Variants in AOPEP observed in about 807,000 individuals in gnomAD.
AOPEP encodes aminopeptidase O.
AOPEP carries 77 observed loss-of-function variants against 98.1 expected under a neutral mutation model. The ratio of observed to expected loss-of-function variants is 0.78; its 90% CI spans 0.65 to 0.95. The LOEUF is 0.95. AOPEP is among the 40% of genes least tolerant of loss of function. The pLI, the probability that AOPEP is intolerant of heterozygous loss-of-function variation, is 0.00. For synonymous variants in AOPEP, 346 were observed against 365.3 expected (o/e 0.95, Z 0.60); for missense variants, 1,024 against 1,024.7 (o/e 1.00, Z 0.01).
chr9:94,873,164 G>A (rs2046543106), intron 5 of AOPEP, among the ~76,000 whole-genome samples: 1 of 152,184 alleles, frequency 6.6e-6, no homozygotes, highest in South Asian at 2.1e-4. Context: ...CCTAATTAAT[G>A]GGTGGGAATA....
intron 13 of AOPEP, among the ~76,000 whole-genome samples, chr9:95,043,404 AAAGAG>A (rs1480978535): frequency 1.3e-5 from 2 of 152,114 alleles, no homozygotes; most frequent in African/African-American, 4.8e-5. Context: ...CTGCTGACAT[AAAGAG>A]AAATTTTCAG....
chr9:94,808,625 C>T (rs1027585373), intron 5 of AOPEP, among the ~76,000 whole-genome samples: 1 of 152,234 alleles, frequency 6.6e-6, no homozygotes, highest in African/African-American at 2.4e-5. Context: ...AGTCATTGAA[C>T]AAACCAAATC....
chr9:95,100,841 G>T, the AOPEP span: 4 of 229,662 alleles, frequency 1.7e-5, no homozygotes, highest in Non-Finnish European at 3.5e-5. Context: ...ATGTTAGCCA[G>T]GCAGTCTGGA....
chr9:94,782,544 C>G (rs1279077484), intron 3 of AOPEP, among the ~76,000 whole-genome samples: 3 of 152,150 alleles, frequency 2.0e-5, no homozygotes, highest in Non-Finnish European at 4.4e-5. Flanking sequence ...AACTGAAAGC[C>G]AACTTTTCAA....
chr9:94,896,794 G>T (rs1187984524), intron 5 of AOPEP, among the ~76,000 whole-genome samples: 3 of 152,050 alleles, frequency 2.0e-5, no homozygotes, highest in Non-Finnish European at 4.4e-5. Context: ...ATGTTATGTG[G>T]TATTCTGGTA....
intron 6 of AOPEP, among the ~76,000 whole-genome samples, chr9:94,927,519 C>T (rs534045724): frequency 5.9e-5 from 9 of 152,256 alleles, no homozygotes; most frequent in African/African-American, 1.9e-4. Context: ...GTGCTCTTCC[C>T]GAAATCCCTC....
intron 4 of AOPEP, among the ~76,000 whole-genome samples, chr9:94,795,555 A>G (rs1047983937): frequency 5.3e-5 from 8 of 152,220 alleles, no homozygotes; most frequent in Non-Finnish European, 1.0e-4. Flanking sequence ...GGAGCTGTGC[A>G]GTTGGAAAAT....
the AOPEP span, among the ~76,000 whole-genome samples, chr9:95,106,026 G>A: frequency 1.3e-5 from 2 of 152,192 alleles, no homozygotes; most frequent in Non-Finnish European, 2.9e-5. Context: ...AAGTTTGGCT[G>A]TTTGAGGAAC....
rs1167342209 is a variant in AOPEP, at chr9:94,928,478, G to T, written c.1608G>T (p.Trp536Cys). ...AGGAGCTGAGGGCTTGTCTGCGCTG[G>T]CGTCGCCTCCAGGACGAGATGCAAT... ...EQQELRACLR[W>C]RRLQDEMQCS... Residue 536 changes from tryptophan to cysteine, a missense_variant, in exon 7 of 17, where the codon TGG becomes TGT. Transcript: ENST00000375315. 6.4e-7 allele frequency: 1 copy of T among 1,550,470 alleles called. No homozygotes were observed. Among genetic ancestry groups the T allele is most frequent in the East Asian group, 2.4e-5 (1 of 40,910 alleles).
the AOPEP span, among the ~76,000 whole-genome samples, chr9:95,103,409 G>A: frequency 1.3e-5 from 2 of 152,230 alleles, no homozygotes; most frequent in Admixed American, 6.5e-5. Flanking sequence ...ATTGAACTCT[G>A]CATCTCGGAA....
the AOPEP span, among the ~76,000 whole-genome samples, chr9:95,112,774 A>G: frequency 1.3e-5 from 2 of 152,216 alleles, no homozygotes; most frequent in Non-Finnish European, 2.9e-5. Flanking sequence ...TGAATGCACA[A>G]GCAGTCCCAT....
At chr9:95,093,051 TGGAAC>T in the AOPEP span, among the ~76,000 whole-genome samples, 2 of 152,354 alleles carry the variant, frequency 1.3e-5, no homozygotes, top group South Asian at 4.1e-4. Flanking sequence ...GCTGATGGAA[TGGAAC>T]AAGTGTGCAT....
chr9:95,021,827 T>C (rs567708806), intron 13 of AOPEP: 2 of 152,322 alleles, frequency 1.3e-5, no homozygotes, highest in African/African-American at 4.8e-5. Flanking sequence ...AGAGTCACTG[T>C]CATCAGGAGC....
In AOPEP at chr9:94,960,039, A is replaced by G. The variant is rs148887658; in HGVS notation, c.1872+4024A>G. On this transcript the variant is annotated intron_variant, in intron 9 of 16. Coordinates refer to ENST00000375315, the MANE Select transcript of AOPEP (RefSeq NM_001193329.3). ...GGTTAAGAAACATTATTATAAAAGAATTAAGAGGTTGAAATTATTTTTTCC... is the reference window on the plus strand; with the variant it reads ...GGTTAAGAAACATTATTATAAAAGAGTTAAGAGGTTGAAATTATTTTTTCC... Among the ~76,000 whole-genome samples, 6 of 152,354 alleles carry G rather than the reference A, an allele frequency of 3.9e-5. No homozygotes were observed. In the East Asian group the frequency reaches 1.2e-3, roughly 29 times the overall value.
At chr9:94,956,169 G>C (rs2058440209) in intron 9 of AOPEP, among the ~76,000 whole-genome samples, 154 bp downstream of exon 9, 1 of 152,162 alleles carries the variant, frequency 6.6e-6, no homozygotes, top group Non-Finnish European at 1.5e-5. Flanking sequence ...ACAAAGAAAG[G>C]GTTGCTTCAG....
intron 10 of AOPEP, among the ~76,000 whole-genome samples, chr9:94,976,465 G>A (rs2059846390): frequency 6.6e-6 from 1 of 152,082 alleles, no homozygotes; most frequent in Non-Finnish European, 1.5e-5. Flanking sequence ...CTCAAAAATA[G>A]CAATTAAGTC....
chr9:95,053,930 G>A (rs2066606962), intron 13 of AOPEP, among the ~76,000 whole-genome samples: 1 of 152,094 alleles, frequency 6.6e-6, no homozygotes, highest in Non-Finnish European at 1.5e-5. Context: ...GCTCAGGCTG[G>A]TCTGAAACTC....
the AOPEP span, among the ~76,000 whole-genome samples, chr9:95,118,798 T>A: frequency 6.6e-6 from 1 of 152,218 alleles, no homozygotes; most frequent in Non-Finnish European, 1.5e-5. Flanking sequence ...TATGCCATAG[T>A]CTGTTTAGCC....
chr9:94,800,077 T>C (rs1588277908), intron 4 of AOPEP, among the ~76,000 whole-genome samples: 1 of 152,138 alleles, frequency 6.6e-6, no homozygotes, highest in African/African-American at 2.4e-5. Flanking sequence ...CAGGCTGGGG[T>C]CTGATCTGTT....
Sources: allele counts gnomAD v4.1 joint callset (sites outside exome capture counted in the v4.1 genomes callset), GRCh38; gene constraint gnomAD v4.1.1; transcripts MANE v1.5; gene names NCBI Gene and HGNC (gene_info 2026-07-23, HGNC 2026-07-21).